Variants in NCAM2 observed in about 807,000 individuals in gnomAD.
NCAM2 encodes the protein N-CAM-2.
In NCAM2, 30 loss-of-function variants were observed where a neutral mutation model predicts 98.1. That is an observed-to-expected ratio of 0.31 (90% CI 0.23 to 0.41). The LOEUF is 0.41. Ranked by LOEUF, NCAM2 falls within the 10% of genes least tolerant of loss-of-function variation. The probability of loss-of-function intolerance (pLI) is 1.00; values close to 1 mark genes in which losing one functional copy is unlikely to be tolerated. For missense variants in NCAM2, 867 were observed against 1,005.8 expected, an observed-to-expected ratio of 0.86 and a Z score of 1.87; for synonymous variants, 368 against 342.4, an observed-to-expected ratio of 1.07 and a Z score of -0.83.
At chr21:21,263,930 A>G (rs775158020) in intron 1 of NCAM2, among the ~76,000 whole-genome samples, 2 of 152,068 alleles carry the variant, frequency 1.3e-5, no homozygotes, top group Non-Finnish European at 2.9e-5. Flanking sequence ...TTGGGACATT[A>G]GCCTAGGCAA....
chr21:21,260,501 A>G (rs994923678), intron 1 of NCAM2, among the ~76,000 whole-genome samples: 18 of 151,952 alleles, frequency 1.2e-4, no homozygotes, highest in African/African-American at 3.9e-4. Flanking sequence ...GTAACAGCGG[A>G]CTTTTCAGCA....
At chr21:21,093,061 T>A (rs545658776) in intron 1 of NCAM2, among the ~76,000 whole-genome samples, 1 of 151,974 alleles carries the variant, frequency 6.6e-6, no homozygotes, top group Non-Finnish European at 1.5e-5. Context: ...AATATAGGGA[T>A]CAGAGGAAGA....
chr21:21,170,040 T>A (rs2068071619), intron 1 of NCAM2, among the ~76,000 whole-genome samples: 1 of 152,108 alleles, frequency 6.6e-6, no homozygotes, highest in East Asian at 1.9e-4. Flanking sequence ...AATTATAAAT[T>A]AAAACAATGA....
intron 1 of NCAM2, among the ~76,000 whole-genome samples, chr21:21,070,796 T>C (rs181636027): frequency 1.8e-3 from 280 of 152,286 alleles, no homozygotes; most frequent in African/African-American, 6.3e-3. Context: ...GATGAATTGG[T>C]AGTAACCTAC....
At chr21:21,483,370 A>G (rs973020420) in intron 15 of NCAM2, among the ~76,000 whole-genome samples, 1 of 152,054 alleles carries the variant, frequency 6.6e-6, no homozygotes, top group African/African-American at 2.4e-5. Context: ...CAAGCTAAAA[A>G]AAATAATATA....
intron 5 of NCAM2, among the ~76,000 whole-genome samples, chr21:21,295,462 G>T (rs1266056146): frequency 6.6e-6 from 1 of 151,800 alleles, no homozygotes; most frequent in Non-Finnish European, 1.5e-5. Flanking sequence ...GATATGTGAA[G>T]TATGGCGCCT....
At chr21:21,069,566 A>G (rs551487387) in intron 1 of NCAM2, among the ~76,000 whole-genome samples, 19 of 152,270 alleles carry the variant, frequency 1.2e-4, no homozygotes, top group Admixed American at 6.5e-4. Flanking sequence ...CCAACTGTGT[A>G]CCCACTCAAA....
intron 5 of NCAM2, 26 bp from the exon 6 acceptor site, chr21:21,324,353 CTATT>C (rs898938572): frequency 1.9e-6 from 3 of 1,557,252 alleles, no homozygotes; most frequent in African/African-American, 2.7e-5. Context: ...GTTTTCGTCT[CTATT>C]TATTCTGTAT....
chr21:21,353,187 C>T (rs942460508), intron 8 of NCAM2, among the ~76,000 whole-genome samples: 1 of 152,008 alleles, frequency 6.6e-6, no homozygotes, highest in Non-Finnish European at 1.5e-5. Flanking sequence ...ATGTTAACTC[C>T]GTTTCAATGA....
At chr21:21,381,620 G>C (rs1198673061) in intron 9 of NCAM2, among the ~76,000 whole-genome samples, 1 of 152,052 alleles carries the variant, frequency 6.6e-6, no homozygotes, top group Admixed American at 6.6e-5. Context: ...TACATAAAAT[G>C]TGAAACATTG....
At chr21:21,227,761 C>G (rs1378427960) in intron 1 of NCAM2, among the ~76,000 whole-genome samples, 1 of 151,710 alleles carries the variant, frequency 6.6e-6, no homozygotes, top group Non-Finnish European at 1.5e-5. Context: ...AGAAAATTGG[C>G]TATCTGAATG....
chr21:21,155,535 T>A (rs1014498823), intron 1 of NCAM2, among the ~76,000 whole-genome samples: 1 of 151,860 alleles, frequency 6.6e-6, no homozygotes, highest in African/African-American at 2.4e-5. Context: ...TACTTGTTAC[T>A]CTTTTTATAT....
intron 1 of NCAM2, among the ~76,000 whole-genome samples, chr21:21,002,012 C>T (rs1317944681): frequency 2.6e-5 from 4 of 152,162 alleles, no homozygotes; most frequent in Admixed American, 2.6e-4. Flanking sequence ...GCTCCAGCCT[C>T]TCTCGTATGC....
At chr21:21,522,633 T>TTTTC (rs1555911602) in intron 16 of NCAM2, among the ~76,000 whole-genome samples, 16 of 11,114 alleles carry the variant, frequency 1.4e-3, no homozygotes, top group South Asian at 8.6e-3. Context: ...TTTCTTTTTC[T>TTTTC]TTTTTTTTTT....
At chr21:21,087,612 A>G (rs1784812372) in intron 1 of NCAM2, among the ~76,000 whole-genome samples, 2 of 152,096 alleles carry the variant, frequency 1.3e-5, no homozygotes, top group African/African-American at 4.8e-5. Flanking sequence ...ATAAGGTGTT[A>G]TCTTAATTTG....
At position 20,998,513 on chromosome 21, in the gene NCAM2, A is replaced by C. The variant is rs556205774; in HGVS notation, c.-51A>C. On this transcript the variant is annotated 5_prime_UTR_variant, in exon 1 of 18. Coordinates refer to ENST00000400546, the MANE Select transcript of NCAM2 (RefSeq NM_004540.5). The stretch of plus-strand genomic sequence containing the variant: ...CGGGGCAGCGAAAGGTTCTCTCTCC[A>C]GGGCTGGACTTAATAACTTTGAAAC... 6.3e-7 allele frequency: 1 copy of C among 1,590,420 alleles called. No homozygotes were observed. Among genetic ancestry groups the C allele is most frequent in the Non-Finnish European group, 8.6e-7 (1 of 1,160,370 alleles).
At chr21:21,531,521 G>A (rs1227347451) in intron 16 of NCAM2, among the ~76,000 whole-genome samples, 2 of 103,636 alleles carry the variant, frequency 1.9e-5, no homozygotes, top group Non-Finnish European at 3.8e-5. Context: ...TAGTGGGAGA[G>A]CCAGCTAATT....
In NCAM2 at chr21:21,140,411, A is replaced by G. The variant is rs188092654; in HGVS notation, c.56-140167A>G. On this transcript the variant is annotated intron_variant, in intron 1 of 17. Coordinates refer to ENST00000400546, the MANE Select transcript of NCAM2 (RefSeq NM_004540.5). ...ACACTTCCTGTAAGCCATACCTTCA[A>G]TAAATAATTCTTGGTGAAAATAAAA... is the stretch of plus-strand genomic sequence containing the variant. Among the ~76,000 whole-genome samples, 450 of 152,270 alleles carry G rather than the reference A, an allele frequency of 3.0e-3. 5 individuals carry two copies. Among genetic ancestry groups the G allele is most frequent in the Admixed American group, 4.4e-3 (68 of 15,302 alleles).
At chr21:21,467,434 A>G (rs1983861804) in intron 13 of NCAM2, among the ~76,000 whole-genome samples, 2 of 147,936 alleles carry the variant, frequency 1.4e-5, no homozygotes, top group South Asian at 4.2e-4. Flanking sequence ...CTTTTTATAT[A>G]TATATATATG....
Sources: gnomAD v4.1 joint callset for allele counts (sites outside exome capture counted in the v4.1 genomes callset) on GRCh38, gnomAD v4.1.1 for gene constraint, MANE v1.5 for transcripts, NCBI Gene and HGNC (gene_info 2026-07-23, HGNC 2026-07-21) for gene names.